Variants in KIF19 observed in about 807,000 individuals in gnomAD.
KIF19 encodes the protein kinesin-like protein KIF19.
Under a neutral mutation model 106.6 loss-of-function variants are expected in KIF19, and 98 were observed. That is an observed-to-expected ratio of 0.92 (90% CI 0.78 to 1.09). The LOEUF is 1.09. Ranked by LOEUF, KIF19 falls within the 50% of genes least tolerant of loss-of-function variation. The pLI, the probability that KIF19 is intolerant of heterozygous loss-of-function variation, is 0.00. For synonymous variants in KIF19, 516 were observed against 584.2 expected (o/e 0.88, Z 1.68); for missense variants, 1,373 against 1,414.3 (o/e 0.97, Z 0.47).
intron 9 of KIF19, 33 bp downstream of exon 9, chr17:74,347,932 C>T (rs1199727133): frequency 6.4e-7 from 1 of 1,558,198 alleles, no homozygotes; most frequent in Admixed American, 1.9e-5. Flanking sequence ...CCAGGACACA[C>T]CTTCCTGGGC....
In KIF19 at chr17:74,345,201, G is replaced by A. The variant is rs556167371; in HGVS notation, c.777+246G>A. 2.6e-5 allele frequency among the ~76,000 whole-genome samples: 4 copies of A among 152,280 alleles called. No homozygotes were observed. The South Asian group carries it at 8.3e-4, about 32-fold the overall frequency. ...AGTGAGGAACGTTCCAGAGGAGCAG[G>A]GTTGGGGGGAATGGGGTAGGGCATC... On this transcript the variant is annotated intron_variant, in intron 7 of 19. Coordinates refer to ENST00000389916, the MANE Select transcript of KIF19 (RefSeq NM_153209.4).
intron 2 of KIF19, among the ~76,000 whole-genome samples, chr17:74,335,182 G>A (rs932012506): frequency 2.0e-5 from 3 of 152,294 alleles, no homozygotes; most frequent in East Asian, 1.9e-4. Context: ...CACAACCGGG[G>A]GAAGGGTGCG....
intron 19 of KIF19, 84 bp downstream of exon 19, chr17:74,355,025 T>A: frequency 6.5e-7 from 1 of 1,549,912 alleles, no homozygotes; most frequent in Non-Finnish European, 8.8e-7. Context: ...TTCCTGCGCC[T>A]CTGGCTGCCC....
At chr17:74,342,060 C>T (rs1244548199) in intron 3 of KIF19, 74 bp downstream of exon 3, 2 of 1,092,776 alleles carry the variant, frequency 1.8e-6, no homozygotes, top group Non-Finnish European at 2.8e-6. Flanking sequence ...AGGGGCCCTC[C>T]AGGGCCCCTG....
At position 74,351,955 on chromosome 17, in the gene KIF19, A is replaced by C. The variant is rs899261764; in HGVS notation, c.1676A>C (p.Gln559Pro). ...TLPRRIGSEEQREVLSLLCRV... is the reference protein window; with the variant it reads ...TLPRRIGSEEPREVLSLLCRV... ...CCGCGGCGCATCGGCTCCGAGGAGC[A>C]GCGCGAGGTGCTCAGCCTGCTGTGC... Residue 559 changes from glutamine to proline, a missense_variant, in exon 13 of 20, where the codon CAG becomes CCG. By Grantham distance (76) the Gln-to-Pro change is moderately conservative. Coordinates refer to ENST00000389916, the MANE Select transcript of KIF19 (RefSeq NM_153209.4). The C allele has an allele frequency of 1.0e-5, 15 of 1,502,318 alleles. No individual in the cohort carries two copies. In the Admixed American group the frequency reaches 2.1e-4, roughly 21 times the overall value. The allele number at this position is 1,502,318 out of a possible 1,614,324, so 93.1% of individuals were successfully genotyped here. A position where few individuals can be genotyped will look rare whatever the true frequency, so the allele number is the denominator to read the frequency against.
In KIF19 at chr17:74,351,883, G is replaced by T; in HGVS notation, c.1604G>T (p.Arg535Leu). Reference sequence around the variant, plus strand: ...CTCCTGCAGCTGGCGCTGGAGCAGCGCTGCCGGGAGCTGCGCGCGCGGGGC... The same window carrying T: ...CTCCTGCAGCTGGCGCTGGAGCAGCTCTGCCGGGAGCTGCGCGCGCGGGGC... ...LRKQKLALEQ[R>L]CRELRARGRR... The change falls in exon 13 of 20, where the codon CGC (arginine) becomes CTC (leucine). Residue 535 changes from arginine (R) to leucine (L), a missense_variant. By Grantham distance (102) the Arg-to-Leu change is moderately radical (BLOSUM62 -2). Transcript: ENST00000389916. 1 of 1,400,558 alleles carries T rather than the reference G, an allele frequency of 7.1e-7. No homozygotes were observed. Among genetic ancestry groups the T allele is most frequent in the Non-Finnish European group, 9.2e-7 (1 of 1,085,940 alleles). The allele number at this position is 1,400,558 out of a possible 1,614,324, so 86.8% of individuals were successfully genotyped here. A position where few individuals can be genotyped will look rare whatever the true frequency, so the allele number is the denominator to read the frequency against.
rs781232133 is a variant in KIF19 at position 74,342,700 on chromosome 17, T to C, written c.302T>C (p.Phe101Ser). The change falls in exon 4 of 20, where the codon TTT (phenylalanine) becomes TCT (serine). Residue 101 changes from phenylalanine to serine, a missense_variant. Phe to Ser is a radical substitution (Grantham distance 155, BLOSUM62 -2). Around this residue, in one of 3 missense-constraint regions of KIF19, gnomAD observed 348 missense variants for 389.5 expected, o/e 0.89. Transcript: ENST00000389916. Reference sequence around the variant, plus strand: ...ATCTCAGGCTACAATGCCACTGTCTTTGCCTATGGCCCCACAGGTAAGGGG... The same window carrying C: ...ATCTCAGGCTACAATGCCACTGTCTCTGCCTATGGCCCCACAGGTAAGGGG... The part of the protein sequence containing the change: ...GVISGYNATV[F>S]AYGPTGCGKT... The C allele has an allele frequency of 6.2e-7, 1 of 1,613,608 alleles. No individual in the cohort carries two copies. The highest frequency in any genetic ancestry group is 8.5e-7 in the Non-Finnish European group (1 of 1,179,780).
rs1598396705 is a variant in KIF19, at chr17:74,350,815, A to C, written c.1497A>C (p.Gln499His). The change falls in exon 12 of 20, where the codon CAA becomes CAC. Residue 499 changes from glutamine to histidine, a missense_variant. Gln to His is a conservative substitution (Grantham distance 24, BLOSUM62 0). Transcript: ENST00000389916. Reference protein sequence around the residue: ...SEKDSDTGDDQPDILEPPEVA... With the variant: ...SEKDSDTGDDHPDILEPPEVA... ...AGGACTCAGACACAGGTGATGACCA[A>C]CCAGACATCCTGGAGCCACCCGAGG... The C allele has an allele frequency of 6.2e-7, 1 of 1,614,026 alleles. No homozygotes were observed. Among genetic ancestry groups the C allele is most frequent in the East Asian group, 2.2e-5 (1 of 44,872 alleles).
intron 2 of KIF19, among the ~76,000 whole-genome samples, chr17:74,335,598 G>A (rs1436080632): frequency 6.6e-6 from 1 of 152,254 alleles, no homozygotes; most frequent in East Asian, 1.9e-4. Flanking sequence ...ACTAAGAGCA[G>A]GGCTGGGAGA....
chr17:74,341,213 G>A (rs2054363949), intron 2 of KIF19, among the ~76,000 whole-genome samples: 1 of 152,272 alleles, frequency 6.6e-6, no homozygotes, highest in South Asian at 2.1e-4. Context: ...CAGGTACGCT[G>A]GAGGCTGTGG....
At position 74,352,281 on chromosome 17, in the gene KIF19, G is replaced by A. The variant is rs2054736675; in HGVS notation, c.1921G>A (p.Glu641Lys). 6.2e-7 allele frequency: 1 copy of A among 1,612,624 alleles called. No individual in the cohort carries two copies. Among genetic ancestry groups the A allele is most frequent in the South Asian group, 1.1e-5 (1 of 90,994 alleles). The change falls in exon 14 of 20, where the codon GAG becomes AAG. Residue 641 changes from glutamate (E) to lysine (K), a missense_variant. Physicochemically the swap from Glu to Lys is moderately conservative, Grantham distance 56. Coordinates refer to ENST00000389916, the MANE Select transcript of KIF19 (RefSeq NM_153209.4). ...CTACGAAGTGTACCTGCGGGAGCTG[G>A]AGGAGGGCAGCCTGGAGCAGGCCAC... ...ELYEVYLREL[E>K]EGSLEQATIM...
rs150481319 is a variant in KIF19 at position 74,347,798 on chromosome 17, C to A, written c.946C>A (p.Arg316Ser). The A allele has an allele frequency of 6.3e-7, 1 of 1,588,956 alleles. No homozygotes were observed. Among genetic ancestry groups the A allele is most frequent in the Admixed American group, 1.8e-5 (1 of 56,816 alleles). Residue 316 changes from arginine to serine, a missense_variant, in exon 9 of 20, where the codon CGC becomes AGC. Arg to Ser is a moderately radical substitution (Grantham distance 110). Transcript: ENST00000389916. ...CCAGGACTCTCTGGGAGGAAACAGC[C>A]GCACAGTGATGATCGCTCACATCAG... Reference protein sequence around the residue: ...LLKDSLGGNSRTVMIAHISPA... With the variant: ...LLKDSLGGNSSTVMIAHISPA...
In KIF19 at chr17:74,346,611, A is replaced by G. The variant is rs1174050495; in HGVS notation, c.924+87A>G. 1.5e-6 allele frequency: 2 copies of G among 1,294,236 alleles called. No individual in the cohort carries two copies. The highest frequency in any genetic ancestry group is 3.0e-5 in the African/African-American group (2 of 67,450). 80.2% of individuals were successfully genotyped at this position (1,294,236 alleles called of 1,614,324 possible). A position where few individuals can be genotyped will look rare whatever the true frequency, so the allele number is the denominator to read the frequency against. ...ATGAAAATACAGGGCACCCAGCTAA[A>G]TTCCAACCTCAGGATACACAGCAAA... On this transcript the variant is annotated intron_variant, in intron 8 of 19. Transcript: ENST00000389916. The surrounding 1 kb of genome is among the most constrained non-coding windows in gnomAD (Gnocchi z 4.6).
intron 3 of KIF19, 110 bp from the exon 4 acceptor site, chr17:74,342,520 T>C (rs1246598300): frequency 1.3e-6 from 1 of 774,496 alleles, no homozygotes; most frequent in Non-Finnish European, 2.2e-6. Flanking sequence ...ATCTTGGGGC[T>C]GGGGCTCCAG....
chr17:74,340,936 ATGTG>A (rs949841086), intron 2 of KIF19, among the ~76,000 whole-genome samples: 1 of 150,704 alleles, frequency 6.6e-6, no homozygotes, highest in African/African-American at 2.5e-5. Context: ...CCCCTTGCTG[ATGTG>A]TGACGACCTG....
At chr17:74,348,143 C>T (rs892583989) in intron 9 of KIF19, among the ~76,000 whole-genome samples, 1 of 152,252 alleles carries the variant, frequency 6.6e-6, no homozygotes, top group Non-Finnish European at 1.5e-5. Context: ...CCCCCTGCCT[C>T]ATCCCCTCTT....
At position 74,354,420 on chromosome 17, in the gene KIF19, G is replaced by A. The variant is rs199686832; in HGVS notation, c.2567G>A (p.Arg856Gln). ...AGCAGCACGGGCGAGGCCCCGTCCC[G>A]GGCAGTCGGACATCATGGGGACGGC... ...LSSSTGEAPS[R>Q]AVGHHGDGPR... Residue 856 changes from arginine to glutamine, a missense_variant, in exon 18 of 20, where the codon CGG (arginine) becomes CAG (glutamine). Coordinates refer to ENST00000389916, the MANE Select transcript of KIF19 (RefSeq NM_153209.4). 140 of 1,611,202 alleles carry A rather than the reference G, an allele frequency of 8.7e-5. No homozygotes were observed. The highest frequency in any genetic ancestry group is 3.7e-4 in the South Asian group (34 of 90,786).
Position 74,326,253 on chromosome 17 carries a change from G to T in KIF19, c.-97G>T, listed in dbSNP as rs535797768. 1.7e-6 allele frequency: 2 copies of T among 1,154,196 alleles called. No homozygotes were observed. The highest frequency in any genetic ancestry group is 2.7e-5 in the East Asian group (1 of 36,656). 71.5% of individuals were successfully genotyped at this position (1,154,196 alleles called of 1,614,324 possible). A position where few individuals can be genotyped will look rare whatever the true frequency, so the allele number is the denominator to read the frequency against. On this transcript the variant is annotated 5_prime_UTR_variant, in exon 1 of 20. Coordinates refer to ENST00000389916, the MANE Select transcript of KIF19 (RefSeq NM_153209.4). The stretch of plus-strand genomic sequence containing the variant: ...GTTGTCAGGCAGCGCGCGAGGCGGC[G>T]GGCAGCTAGCAGCTGGCGGACGCGA...
rs766242164 is a variant in KIF19 at position 74,347,830 on chromosome 17, G to A, written c.978G>A (p.Ala326=). 14 of 1,587,270 alleles carry A rather than the reference G, an allele frequency of 8.8e-6. No homozygotes were observed. Among genetic ancestry groups the A allele is most frequent in the South Asian group, 6.9e-5 (6 of 86,676 alleles). Residue 326 remains alanine (A), a synonymous_variant, in exon 9 of 20, where the codon GCG becomes GCA. Coordinates refer to ENST00000389916, the MANE Select transcript of KIF19 (RefSeq NM_153209.4). ...TGATGATCGCTCACATCAGTCCTGCGAGCAGTGCCTTCGAGGAGTCCCGGA... is the reference window on the plus strand; with the variant it reads ...TGATGATCGCTCACATCAGTCCTGCAAGCAGTGCCTTCGAGGAGTCCCGGA... ...RTVMIAHISP[A]SSAFEESRNT...
Sources: allele counts gnomAD v4.1 joint callset (sites outside exome capture counted in the v4.1 genomes callset), GRCh38; gene constraint gnomAD v4.1.1; regional missense constraint gnomAD v4.1.1; non-coding constraint Gnocchi (gnomAD v3.1); transcripts MANE v1.5; gene names NCBI Gene and HGNC (gene_info 2026-07-23, HGNC 2026-07-21).